Variants in ANO1 observed in about 807,000 individuals in gnomAD.
ANO1 encodes the protein anoctamin-1.
Under a neutral mutation model 124.0 loss-of-function variants are expected in ANO1, and 59 were observed. That is an observed-to-expected ratio of 0.48 (90% CI 0.39 to 0.59). The LOEUF (loss-of-function observed/expected upper bound fraction) is 0.59. Ranked by LOEUF, ANO1 falls within the 20% of genes least tolerant of loss-of-function variation. The pLI is 0.00. For missense variants in ANO1, 1,059 were observed against 1,328.0 expected, an observed-to-expected ratio of 0.80 and a Z score of 3.15; for synonymous variants, 529 against 532.0, an observed-to-expected ratio of 0.99 and a Z score of 0.08.
In ANO1 at chr11:70,188,250, G is replaced by A; in HGVS notation, c.*246G>A. The A allele has an allele frequency of 1.8e-6, 1 of 564,566 alleles. No homozygotes were observed. The highest frequency in any genetic ancestry group is 3.1e-6 in the Non-Finnish European group (1 of 322,212). 35.0% of individuals were successfully genotyped at this position (564,566 alleles called of 1,614,324 possible). A position where few individuals can be genotyped will look rare whatever the true frequency, so the allele number is the denominator to read the frequency against. ...GTATTCAAGATGAATCAAAATGATG[G>A]CTGGTAATACGGCAATAAGGTAGCA... On this transcript the variant is annotated 3_prime_UTR_variant, in exon 26 of 26. Coordinates refer to ENST00000355303, the MANE Select transcript of ANO1 (RefSeq NM_018043.7).
intron 1 of ANO1, among the ~76,000 whole-genome samples, chr11:70,038,192 G>T (rs1455539180): frequency 6.6e-6 from 1 of 152,152 alleles, no homozygotes; most frequent in East Asian, 1.9e-4. Flanking sequence ...GGCATTCTTG[G>T]ACAAGGTTAA....
intron 1 of ANO1, among the ~76,000 whole-genome samples, chr11:70,001,895 G>A (rs556696585): frequency 6.6e-6 from 1 of 152,076 alleles, no homozygotes; most frequent in African/African-American, 2.4e-5. Flanking sequence ...TGCTTCTCGA[G>A]TTCAAGCAAG....
chr11:70,146,576 G>A (rs1177945482), intron 11 of ANO1, among the ~76,000 whole-genome samples: 3 of 152,110 alleles, frequency 2.0e-5, no homozygotes, highest in African/African-American at 7.2e-5. Flanking sequence ...ATGAAAGGGA[G>A]TTTATTCAGG....
chr11:70,010,179 G>GTATGTGTGTGTATGTATATATATATATA lies in ANO1; in HGVS notation c.58+24016_58+24017insGTGTGTGTATGTATATATATATATATAT, dbSNP rs1188271051. On this transcript the variant is annotated intron_variant, in intron 1 of 27. Transcript: ENST00000531349. ...TGTGTGTGTGTGCGCGTGTGTGTGT[G>GTATGTGTGTGTATGTATATATATATATA]TATATATATATATATATATCACATT... Among the ~76,000 whole-genome samples, 11 of 83,776 alleles carry GTATGTGTGTGTATGTATATATATATATA rather than the reference G, an allele frequency of 1.3e-4. 1 individual carries two copies. Among genetic ancestry groups the GTATGTGTGTGTATGTATATATATATATA allele is most frequent in the Admixed American group, 3.8e-4 (3 of 7,936 alleles). 55.0% of individuals were successfully genotyped at this position (83,776 alleles called of 152,430 possible).
At chr11:69,982,376 C>T (rs80123124), upstream of ANO1, among the ~76,000 whole-genome samples, 1 of 152,294 alleles carries the variant, frequency 6.6e-6, no homozygotes, top group East Asian at 1.9e-4. Flanking sequence ...TAAAAGTCAC[C>T]GTCCACCTTG....
chr11:69,967,480 T>A, the ANO1 span, among the ~76,000 whole-genome samples: 3 of 152,186 alleles, frequency 2.0e-5, no homozygotes, highest in East Asian at 5.8e-4. Context: ...ATCTCAGACT[T>A]CTTCTTCATG....
intron 1 of ANO1, among the ~76,000 whole-genome samples, chr11:70,069,718 C>T (rs79582045): frequency 0.016 from 2,368 of 152,162 alleles, 53 homozygotes; most frequent in African/African-American, 0.053. Context: ...ACGTTAGAGG[C>T]GGGGCAGGCA....
In ANO1 at chr11:70,108,362, A is replaced by T. The variant is rs779861334; in HGVS notation, c.757A>T (p.Ile253Phe). 2 of 1,612,224 alleles carry T rather than the reference A, an allele frequency of 1.2e-6. No homozygotes were observed. Among genetic ancestry groups the T allele is most frequent in the South Asian group, 1.1e-5 (1 of 90,912 alleles). ...SKTRSTIVYE[I>F]LKRTTCTKAK... Reference sequence around the variant, plus strand: ...CTTGTCTCTGCAATAGGTCTATGAGATCTTGAAGAGAACGACGTGTACAAA... The same window carrying T: ...CTTGTCTCTGCAATAGGTCTATGAGTTCTTGAAGAGAACGACGTGTACAAA... Residue 253 changes from isoleucine to phenylalanine, a missense_variant, in exon 6 of 26, where the codon ATC becomes TTC. Physicochemically the swap from Ile to Phe is conservative, Grantham distance 21 (BLOSUM62 0). Coordinates refer to ENST00000355303, the MANE Select transcript of ANO1 (RefSeq NM_018043.7).
chr11:70,067,315 T>C (rs1555008731), intron 1 of ANO1, among the ~76,000 whole-genome samples: 1 of 144,314 alleles, frequency 6.9e-6, no homozygotes, highest in African/African-American at 2.6e-5. Flanking sequence ...GGACAAGGAA[T>C]CGTGGGTGTT....
intron 1 of ANO1, among the ~76,000 whole-genome samples, chr11:70,033,025 C>T (rs535715529): frequency 4.6e-5 from 7 of 152,304 alleles, no homozygotes; most frequent in Middle Eastern, 3.4e-3. Flanking sequence ...TGCTCTTTCA[C>T]GTGGTACAAA....
intron 1 of ANO1, among the ~76,000 whole-genome samples, chr11:70,047,608 G>T (rs12277604): frequency 0.027 from 4,128 of 152,260 alleles, 189 homozygotes; most frequent in African/African-American, 0.093. Context: ...CTTCTTAACT[G>T]AAAACAGAGA....
rs1167656505 is a variant in ANO1, at chr11:70,117,578, C to G, written c.897+1079C>G. Reference sequence around the variant, plus strand: ...CCCTCCTCTCCCATGGGCCCACACCCGATACCAGCCTTCCCCCCAGGTCTC... The same window carrying G: ...CCCTCCTCTCCCATGGGCCCACACCGGATACCAGCCTTCCCCCCAGGTCTC... On this transcript the variant is annotated intron_variant, in intron 8 of 25. Transcript: ENST00000355303. Among the ~76,000 whole-genome samples, 3 of 152,258 alleles carry G rather than the reference C, an allele frequency of 2.0e-5. No individual in the cohort carries two copies. In the East Asian group the frequency reaches 5.8e-4, roughly 30 times the overall value.
rs140020266 is a variant in ANO1 at position 70,104,840 on chromosome 11, G to A, written c.692+690G>A. On this transcript the variant is annotated intron_variant, in intron 4 of 25. Transcript: ENST00000355303. ...CAGTGCTGGCCTCACAGGGTCGGGGGCATGGAAAAGCAGACAGGGAGGACG... is the reference window on the plus strand; with the variant it reads ...CAGTGCTGGCCTCACAGGGTCGGGGACATGGAAAAGCAGACAGGGAGGACG... Among the ~76,000 whole-genome samples the A allele has an allele frequency of 2.5e-3, 377 of 152,258 alleles. 1 individual carries two copies. The highest frequency in any genetic ancestry group is 3.7e-3 in the Non-Finnish European group (250 of 68,002).
chr11:70,078,947 G>C (rs923341958), intron 1 of ANO1, among the ~76,000 whole-genome samples: 2 of 151,870 alleles, frequency 1.3e-5, no homozygotes, highest in African/African-American at 4.8e-5. Flanking sequence ...CGCCCACTCC[G>C]CCCAGCGCAG....
At chr11:70,025,255 T>C (rs374696008) in intron 1 of ANO1, among the ~76,000 whole-genome samples, 2 of 152,168 alleles carry the variant, frequency 1.3e-5, no homozygotes, top group East Asian at 1.9e-4. Flanking sequence ...GTACAACTTA[T>C]AAGGTGGTAG....
chr11:70,125,800 C>T (rs1426338242), intron 9 of ANO1, among the ~76,000 whole-genome samples: 13 of 146,850 alleles, frequency 8.9e-5, no homozygotes, highest in Admixed American at 2.1e-4. Flanking sequence ...GCCGAGATAG[C>T]GCCACTGCAC....
intron 11 of ANO1, among the ~76,000 whole-genome samples, chr11:70,145,223 G>A (rs1169346787): frequency 6.6e-6 from 1 of 152,164 alleles, no homozygotes; most frequent in Admixed American, 6.5e-5. Context: ...ACCAGGCGCA[G>A]CACGAGCCTT....
intron 1 of ANO1, among the ~76,000 whole-genome samples, chr11:70,007,014 T>G (rs1856505015): frequency 6.6e-6 from 1 of 152,178 alleles, no homozygotes; most frequent in African/African-American, 2.4e-5. Context: ...ATTAACTGTA[T>G]GCACATTGCT....
At chr11:69,974,337 A>G in the ANO1 span, among the ~76,000 whole-genome samples, 1 of 152,176 alleles carries the variant, frequency 6.6e-6, no homozygotes, top group East Asian at 1.9e-4. Flanking sequence ...AATAATAACA[A>G]TAATAACAAT....
Sources: gnomAD v4.1 joint callset for allele counts (sites outside exome capture counted in the v4.1 genomes callset) on GRCh38, gnomAD v4.1.1 for gene constraint, MANE v1.5 for transcripts, NCBI Gene and HGNC (gene_info 2026-07-23, HGNC 2026-07-21) for gene names.